Variants in ERC1 observed in about 807,000 individuals in gnomAD.
ERC1 encodes the protein ELKS/RAB6-interacting/CAST family member 1.
ERC1 carries 56 observed loss-of-function variants against 132.0 expected under a neutral mutation model. The ratio of observed to expected loss-of-function variants is 0.42; its 90% CI spans 0.34 to 0.53. ERC1 has a LOEUF of 0.53. ERC1 is among the 20% of genes least tolerant of loss of function. ERC1 has a pLI of 0.03. For missense variants in ERC1, 1,202 were observed against 1,349.9 expected (o/e 0.89, Z 1.72); for synonymous variants, 478 against 476.1 (o/e 1.00, Z -0.05).
In ERC1 at chr12:1,418,633, TTCTTTCTTTCTC is replaced by T. The variant is rs1465971656; in HGVS notation, c.3024+10390_3024+10401del. ...TTTCTTTCTTTCTTTCTTTCTTTCT[TTCTTTCTTTCTC>T]TCTCTCTCTCTCTCTCTTTCTTTTC... On this transcript the variant is annotated intron_variant, in intron 17 of 18. Transcript: ENST00000360905. Among the ~76,000 whole-genome samples, 348 of 85,072 alleles carry T rather than the reference TTCTTTCTTTCTC, an allele frequency of 4.1e-3. 3 individuals carry two copies. The highest frequency in any genetic ancestry group is 0.012 in the Middle Eastern group (2 of 170). 55.8% of individuals were successfully genotyped at this position (85,072 alleles called of 152,430 possible).
chr12:1,186,870 G>T (rs188441212), intron 11 of ERC1, among the ~76,000 whole-genome samples: 98 of 152,268 alleles, frequency 6.4e-4, no homozygotes, highest in Non-Finnish European at 1.2e-3. Context: ...TCACTCTGTT[G>T]CCCAGGCTGG....
intron 14 of ERC1, among the ~76,000 whole-genome samples, chr12:1,267,776 A>G (rs941994520): frequency 3.3e-5 from 5 of 152,144 alleles, no homozygotes; most frequent in Non-Finnish European, 7.4e-5. Context: ...AATAATAATA[A>G]TAACAACATA....
rs1845657101 is a variant in ERC1, at chr12:1,466,290, A to G, written c.3213+21540A>G. Among the ~76,000 whole-genome samples, 3 of 151,998 alleles carry G rather than the reference A, an allele frequency of 2.0e-5. No homozygotes were observed. The South Asian group carries it at 6.2e-4, about 31-fold the overall frequency. Reference sequence around the variant, plus strand: ...TCTATCCTCTCTCCCTGTGCTCCCCAGTGTCTTTCTGTATGTCCAGATTTC... The same window carrying G: ...TCTATCCTCTCTCCCTGTGCTCCCCGGTGTCTTTCTGTATGTCCAGATTTC... On this transcript the variant is annotated intron_variant, in intron 18 of 18. Coordinates refer to ENST00000360905, the MANE Select transcript of ERC1 (RefSeq NM_178040.4).
At chr12:1,321,990 C>A (rs1486718857) in intron 15 of ERC1, among the ~76,000 whole-genome samples, 1 of 150,874 alleles carries the variant, frequency 6.6e-6, no homozygotes, top group Non-Finnish European at 1.5e-5. Context: ...TTCCATCTTT[C>A]CATACCACGT....
Position 1,449,591 on chromosome 12 carries a change from A to G in ERC1, c.3213+4841A>G, listed in dbSNP as rs186747769. ...TAAGTTTCCTGAGGCCTCCCCAGCC[A>G]TGCAGAAGTGTGAGTCAATTAAACC... On this transcript the variant is annotated intron_variant, in intron 18 of 18. Transcript: ENST00000360905. Among the ~76,000 whole-genome samples, 451 of 152,246 alleles carry G rather than the reference A, an allele frequency of 3.0e-3. 2 individuals are homozygous for G. Among genetic ancestry groups the G allele is most frequent in the Non-Finnish European group, 5.2e-3 (357 of 68,010 alleles).
intron 15 of ERC1, among the ~76,000 whole-genome samples, chr12:1,363,224 A>T (rs933146479): frequency 1.3e-5 from 2 of 152,182 alleles, no homozygotes; most frequent in Non-Finnish European, 2.9e-5. Flanking sequence ...AGAGATACAG[A>T]TGTCGAGTTT....
At chr12:1,152,575 G>C (rs979614579) in intron 8 of ERC1, 2 of 152,778 alleles carry the variant, frequency 1.3e-5, no homozygotes, top group African/African-American at 4.8e-5. Flanking sequence ...AATGTAGAAG[G>C]TCTTACATGT....
chr12:1,104,612 G>A (rs1175936434), intron 3 of ERC1, 138 bp from the exon 4 acceptor site: 5 of 633,286 alleles, frequency 7.9e-6, no homozygotes, highest in East Asian at 5.2e-5. Flanking sequence ...GATTCACAGG[G>A]AAAGGTTGGT....
In ERC1 at chr12:1,263,072, G is replaced by C. The variant is rs913032027; in HGVS notation, c.2526G>C (p.Leu842=). 5.6e-6 allele frequency: 9 copies of C among 1,613,902 alleles called. No homozygotes were observed. In the African/African-American group the frequency reaches 1.1e-4, roughly 19 times the overall value. ...AGAAGGATGACAGGATTGAAGAGCT[G>C]GAAGAAGCACTAAGAGAAAGTGTAC... ...LRKKDDRIEE[L]EEALRESVQI... is the part of the protein sequence containing the mutation. Residue 842 remains leucine, a synonymous_variant, in exon 14 of 19, where the codon CTG becomes CTC. Transcript: ENST00000360905.
At chr12:1,195,784 A>T (rs1956162879) in intron 12 of ERC1, among the ~76,000 whole-genome samples, 1 of 148,850 alleles carries the variant, frequency 6.7e-6, no homozygotes, top group South Asian at 2.1e-4. Flanking sequence ...GAGATAGGAC[A>T]ATTTCTGATT....
At chr12:1,488,304 A>G (rs2094271410) in intron 18 of ERC1, among the ~76,000 whole-genome samples, 1 of 152,096 alleles carries the variant, frequency 6.6e-6, no homozygotes, top group Admixed American at 6.5e-5. Flanking sequence ...TTTAATCTGT[A>G]TGCTCTTGCT....
chr12:1,401,475 A>G (rs1009349184), intron 16 of ERC1, among the ~76,000 whole-genome samples: 4 of 152,160 alleles, frequency 2.6e-5, no homozygotes, highest in Non-Finnish European at 5.9e-5. Context: ...GAAATTCTCC[A>G]TATAAAATAT....
At chr12:1,168,451 G>A (rs1952673408) in intron 8 of ERC1, among the ~76,000 whole-genome samples, 1 of 149,688 alleles carries the variant, frequency 6.7e-6, no homozygotes, top group Non-Finnish European at 1.5e-5. Context: ...AAGCAGCTAA[G>A]CAAACAACTT....
At chr12:1,260,450 G>A (rs1173811922) in intron 13 of ERC1, among the ~76,000 whole-genome samples, 1 of 152,184 alleles carries the variant, frequency 6.6e-6, no homozygotes, top group Non-Finnish European at 1.5e-5. Context: ...TTGCAAGAGC[G>A]AGGACAAGAA....
intron 18 of ERC1, among the ~76,000 whole-genome samples, chr12:1,463,430 TG>T (rs1375606153): frequency 1.3e-5 from 2 of 152,194 alleles, no homozygotes; most frequent in Non-Finnish European, 2.9e-5. Flanking sequence ...GAAAGAAGAA[TG>T]GTTCTTTGTG....
At position 1,483,668 on chromosome 12, in the gene ERC1, C is replaced by CTTT. The variant is rs35596394; in HGVS notation, c.3214-6389_3214-6387dup. ...CAAAACTCCTTCCAGCCACTGAGAGCTTTTTTTTTTTTTTTTTTTTTTTTT... is the reference window on the plus strand; with the variant it reads ...CAAAACTCCTTCCAGCCACTGAGAGCTTTTTTTTTTTTTTTTTTTTTTTTTTTT... On this transcript the variant is annotated intron_variant, in intron 18 of 18. Transcript: ENST00000360905. 2.8e-3 allele frequency among the ~76,000 whole-genome samples: 152 copies of CTTT among 55,218 alleles called. 47 individuals are homozygous for CTTT. Among genetic ancestry groups the CTTT allele is most frequent in the Non-Finnish European group, 4.1e-3 (115 of 28,116 alleles). The allele number at this position is 55,218 out of a possible 152,430, so 36.2% of individuals were successfully genotyped here.
chr12:1,051,989 G>A (rs1045151464), intron 2 of ERC1, among the ~76,000 whole-genome samples: 2 of 147,186 alleles, frequency 1.4e-5, no homozygotes, highest in African/African-American at 5.2e-5. Flanking sequence ...CTAAGGCACC[G>A]TGTCCTTATG....
chr12:1,284,308 G>GTGTGTGTGTA (rs1198068155), intron 14 of ERC1, among the ~76,000 whole-genome samples: 3 of 139,362 alleles, frequency 2.2e-5, no homozygotes, highest in Non-Finnish European at 4.6e-5. Context: ...GTGTGTGTGT[G>GTGTGTGTGTA]TATACATACC....
At chr12:1,307,457 T>C (rs2080965893) in intron 15 of ERC1, among the ~76,000 whole-genome samples, 1 of 152,238 alleles carries the variant, frequency 6.6e-6, no homozygotes, top group South Asian at 2.1e-4. Flanking sequence ...TTTCTGCAGT[T>C]AACTTGGATG....
Sources: gnomAD v4.1 joint callset for allele counts (sites outside exome capture counted in the v4.1 genomes callset) on GRCh38, gnomAD v4.1.1 for gene constraint, MANE v1.5 for transcripts, NCBI Gene and HGNC (gene_info 2026-07-23, HGNC 2026-07-21) for gene names.